CCDC9: variants seen among roughly 807,000 people sequenced by gnomAD.
CCDC9 encodes the protein coiled-coil domain-containing protein 9.
In CCDC9, 52 loss-of-function variants were observed where a neutral mutation model predicts 65.6. The observed-to-expected ratio is 0.79, with a 90% CI of 0.63 to 1.00. The LOEUF is 1.00. Ranked by LOEUF, CCDC9 falls within the 50% of genes least tolerant of loss-of-function variation. The pLI, the probability that CCDC9 is intolerant of heterozygous loss-of-function variation, is 0.00. For missense variants in CCDC9, 834 were observed against 757.2 expected, an observed-to-expected ratio of 1.10 and a Z score of -1.19; for synonymous variants, 332 against 280.3, an observed-to-expected ratio of 1.18 and a Z score of -1.84.
chr19:47,266,561 C>T (rs532686088), intron 7 of CCDC9, 50 bp from the exon 8 acceptor site: 110 of 1,455,364 alleles, frequency 7.6e-5, no homozygotes, highest in Non-Finnish European at 9.4e-5. Flanking sequence ...GGCTTAGGGG[C>T]GGGGTAGGGT....
intron 8 of CCDC9, among the ~76,000 whole-genome samples, chr19:47,269,627 C>G (rs139802453): frequency 6.6e-6 from 1 of 152,162 alleles, no homozygotes; most frequent in Non-Finnish European, 1.5e-5. Flanking sequence ...CGTGAGCCAC[C>G]GTGCCCGGCC....
chr19:47,260,724 C>A lies in CCDC9; in HGVS notation c.347C>A (p.Pro116His). Reference sequence around the variant, plus strand: ...GCATCGCGCAGCTGGGAGGGCAGCCCCGGGGAGCAGCCTCGAGGAGGAGGA... The same window carrying A: ...GCATCGCGCAGCTGGGAGGGCAGCCACGGGGAGCAGCCTCGAGGAGGAGGA... Reference protein sequence around the residue: ...GRASRSWEGSPGEQPRGGGAG... With the variant: ...GRASRSWEGSHGEQPRGGGAG... The change falls in exon 5 of 12, where the codon CCC becomes CAC. Residue 116 changes from proline to histidine, a missense_variant. Transcript: ENST00000221922. The A allele has an allele frequency of 6.3e-7, 1 of 1,593,542 alleles. No homozygotes were observed. The highest frequency in any genetic ancestry group is 1.1e-5 in the South Asian group (1 of 88,224).
Position 47,258,584 on chromosome 19 carries a change from A to G in CCDC9, c.29A>G (p.Lys10Arg), listed in dbSNP as rs1244499477. Residue 10 changes from lysine (K) to arginine (R), a missense_variant, in exon 3 of 12, where the codon AAG becomes AGG. Transcript: ENST00000221922. ...GCAGCCACACTCGATTTGAAATCAA[A>G]GGAGGAGAAGGATGCTGAGTTGGAC... MAATLDLKS[K>R]EEKDAELDKR... 1 of 1,614,088 alleles carries G rather than the reference A, an allele frequency of 6.2e-7. No homozygotes were observed. The highest frequency in any genetic ancestry group is 8.5e-7 in the Non-Finnish European group (1 of 1,179,960).
downstream of CCDC9, chr19:47,273,905 A>T: frequency 1.1e-6 from 1 of 911,160 alleles, no homozygotes; most frequent in Non-Finnish European, 1.3e-6. Flanking sequence ...GTGGCGGAAG[A>T]GGCGGAAGGA....
chr19:47,271,346 G>A lies in CCDC9; in HGVS notation c.1264G>A (p.Glu422Lys), dbSNP rs761618743. ...GGAAGAGAATGAGGGGGAAGAGGAT[G>A]AAGAATGGGAGGACATAAGTGAGGA... is the stretch of plus-strand genomic sequence containing the variant. ...EGEENEGEED[E>K]EWEDISEDEE... The change falls in exon 12 of 12, where the codon GAA (glutamate) becomes AAA (lysine). Residue 422 changes from glutamate (E) to lysine (K), a missense_variant. Glu to Lys is a moderately conservative substitution (Grantham distance 56). Transcript: ENST00000221922. 6.8e-6 allele frequency: 11 copies of A among 1,613,220 alleles called. No homozygotes were observed. Among genetic ancestry groups the A allele is most frequent in the Admixed American group, 5.0e-5 (3 of 59,886 alleles).
At chr19:47,274,932 A>ATGCGGGGGACCG, downstream of CCDC9, 1 of 1,327,702 alleles carries the variant, frequency 7.5e-7, no homozygotes, top group Non-Finnish European at 9.5e-7. Flanking sequence ...GCGGGGGACC[A>ATGCGGGGGACCG]GCTGCGTGGG....
At chr19:47,262,773 C>T (rs577347325) in intron 5 of CCDC9, among the ~76,000 whole-genome samples, 4 of 152,194 alleles carry the variant, frequency 2.6e-5, no homozygotes, top group African/African-American at 9.6e-5. Context: ...AGCTTGGTTA[C>T]TAGTAACAAG....
intron 7 of CCDC9, 124 bp from the exon 8 acceptor site, chr19:47,266,487 T>C (rs2059082975): frequency 9.2e-6 from 13 of 1,407,930 alleles, no homozygotes; most frequent in Non-Finnish European, 1.2e-5. Flanking sequence ...TGAGCCTAGT[T>C]GATTGTGATC....
Position 47,264,663 on chromosome 19 carries a change from G to T in CCDC9, c.523G>T (p.Ala175Ser). 2.5e-6 allele frequency: 4 copies of T among 1,605,040 alleles called. No homozygotes were observed. Among genetic ancestry groups the T allele is most frequent in the South Asian group, 1.1e-5 (1 of 89,452 alleles). The change falls in exon 6 of 12, where the codon GCC (alanine) becomes TCC (serine). Residue 175 changes from alanine (A) to serine (S), a missense_variant. Coordinates refer to ENST00000221922, the MANE Select transcript of CCDC9 (RefSeq NM_015603.3). ...EKMNEEMEKI[A>S]EYERNQREGV... is the part of the protein sequence containing the mutation. ...GATGAATGAGGAGATGGAGAAGATC[G>T]CCGAGTATGAGCGCAACCAGCGGGT...
chr19:47,270,780 G>A (rs977196829), intron 10 of CCDC9, 92 bp downstream of exon 10: 31 of 1,352,854 alleles, frequency 2.3e-5, no homozygotes, highest in Middle Eastern at 5.3e-4. Context: ...GGGTACATCT[G>A]TCTGTCCCTG....
rs1234668286 is a variant in CCDC9, at chr19:47,270,712, T to C, written c.1085+24T>C. The stretch of plus-strand genomic sequence containing the variant: ...AGGTGGGGCACCCCTTCTGCGGGCT[T>C]GCATACCCCCAGGGCTCTCCGCAGG... On this transcript the variant is annotated intron_variant, in intron 10 of 11. Transcript: ENST00000221922. The C allele has an allele frequency of 2.5e-6, 4 of 1,601,456 alleles. No individual in the cohort carries two copies. The African/African-American group carries it at 5.4e-5, about 21-fold the overall frequency.
intron 1 of CCDC9, chr19:47,258,069 G>A (rs962759368): frequency 2.4e-6 from 1 of 423,490 alleles, no homozygotes; most frequent in African/African-American, 2.0e-5. Flanking sequence ...GCAGTGGGTG[G>A]GGGCCAGAAC....
chr19:47,275,509 T>C, downstream of CCDC9: 1 of 1,033,100 alleles, frequency 9.7e-7, no homozygotes. Context: ...GGGTGTCAGC[T>C]CGGGGCCTTG....
At chr19:47,275,074 G>T, downstream of CCDC9, 1 of 1,496,984 alleles carries the variant, frequency 6.7e-7, no homozygotes. Flanking sequence ...GTGTACTACG[G>T]TCTCATCTGG....
downstream of CCDC9, chr19:47,273,852 C>T (rs753418170): frequency 3.0e-5 from 12 of 399,908 alleles, no homozygotes; most frequent in Non-Finnish European, 4.1e-5. Context: ...AACTGTGTTT[C>T]TGGAGGGGGC....
At chr19:47,264,376 C>T (rs1017619358) in intron 5 of CCDC9, among the ~76,000 whole-genome samples, 1 of 152,204 alleles carries the variant, frequency 6.6e-6, no homozygotes, top group Non-Finnish European at 1.5e-5. Flanking sequence ...CCAGACCCCC[C>T]AGTAGGAAGG....
chr19:47,271,773 G>C lies in CCDC9; in HGVS notation c.*95G>C. 2.7e-6 allele frequency: 4 copies of C among 1,469,814 alleles called. No individual in the cohort carries two copies. The highest frequency in any genetic ancestry group is 3.6e-6 in the Non-Finnish European group (4 of 1,116,546). The allele number at this position is 1,469,814 out of a possible 1,614,324, so 91.0% of individuals were successfully genotyped here. On this transcript the variant is annotated 3_prime_UTR_variant, in exon 12 of 12. Transcript: ENST00000221922. ...CGCGCGCGCGCGCTAGAGGGGTGTG[G>C]CTGGTGGGGGACCCTTGGGGCTGGG...
intron 7 of CCDC9, among the ~76,000 whole-genome samples, chr19:47,265,593 C>T (rs1301537684): frequency 6.6e-6 from 1 of 151,930 alleles, no homozygotes; most frequent in African/African-American, 2.4e-5. Flanking sequence ...GTTGTTACAG[C>T]TTTGTGGTAT....
downstream of CCDC9, among the ~76,000 whole-genome samples, chr19:47,273,064 C>A (rs2059133348): frequency 6.6e-6 from 1 of 151,802 alleles, no homozygotes; most frequent in African/African-American, 2.4e-5. Context: ...CAGTTTGCAG[C>A]CTTGGGTGGC....
Sources: gnomAD v4.1 joint callset for allele counts (sites outside exome capture counted in the v4.1 genomes callset) on GRCh38, gnomAD v4.1.1 for gene constraint, MANE v1.5 for transcripts, NCBI Gene and HGNC (gene_info 2026-07-23, HGNC 2026-07-21) for gene names.